The following PCDHGB5 variants were observed in gnomAD, a reference collection of about 807,000 sequenced individuals.
The protein encoded by PCDHGB5 is protocadherin gamma-B5.
PCDHGB5 carries 48 observed loss-of-function variants against 62.9 expected under a neutral mutation model. The observed-to-expected ratio is 0.76, with a 90% CI of 0.61 to 0.97. The LOEUF is 0.97. PCDHGB5 is among the 50% of genes least tolerant of loss of function. PCDHGB5 has a pLI of 0.00. For synonymous variants in PCDHGB5, 474 were observed against 511.2 expected, an observed-to-expected ratio of 0.93 and a Z score of 0.98; for missense variants, 1,118 against 1,198.6, an observed-to-expected ratio of 0.93 and a Z score of 0.99.
At chr5:141,439,077 C>T (rs978045948) in intron 1 of PCDHGB5, among the ~76,000 whole-genome samples, 1 of 151,492 alleles carries the variant, frequency 6.6e-6, no homozygotes, top group Non-Finnish European at 1.5e-5. Flanking sequence ...CCTGTAATCC[C>T]AGCTACTCAG....
intron 1 of PCDHGB5, among the ~76,000 whole-genome samples, chr5:141,472,992 A>G (rs2099309983): frequency 6.6e-6 from 1 of 151,994 alleles, no homozygotes; most frequent in South Asian, 2.1e-4. Context: ...AAAAAAAAAA[A>G]AAAAAGAAAG....
At position 141,447,890 on chromosome 5, in the gene PCDHGB5, A is replaced by AC. The variant is rs1252174829; in HGVS notation, c.2398-46917_2398-46916insC. On this transcript the variant is annotated intron_variant, in intron 1 of 3. Transcript: ENST00000617380. ...CATCTGAGGTCAGGAGTTCGAGACCAGCCTGGCCAACATGGTGAAACTCTG... is the reference window on the plus strand; with the variant it reads ...CATCTGAGGTCAGGAGTTCGAGACCACGCCTGGCCAACATGGTGAAACTCTG... 1.3e-5 allele frequency among the ~76,000 whole-genome samples: 2 copies of AC among 152,146 alleles called. 1 individual carries two copies. The highest frequency in any genetic ancestry group is 4.8e-5 in the African/African-American group (2 of 41,434).
intron 1 of PCDHGB5, chr5:141,427,552 C>T (rs1233231671): frequency 1.5e-6 from 1 of 645,244 alleles, no homozygotes; most frequent in South Asian, 1.5e-5. Context: ...ATCACTGCCA[C>T]TGACAAGGGC....
Position 141,398,949 on chromosome 5 carries a change from C to T in PCDHGB5, c.822C>T (p.Asn274=), listed in dbSNP as rs749860900. The change falls in exon 1 of 4, where the codon AAC becomes AAT. Residue 274 remains asparagine (N), a synonymous_variant. Transcript: ENST00000617380. Reference sequence around the variant, plus strand: ...CCACTGACCAAGACGAGGGCATCAACTCAGAAATTACTTATTCCTTCTACA... The same window carrying T: ...CCACTGACCAAGACGAGGGCATCAATTCAGAAATTACTTATTCCTTCTACA... ...VSATDQDEGI[N]SEITYSFYRT... The T allele has an allele frequency of 6.2e-7, 1 of 1,613,948 alleles. No individual in the cohort carries two copies. The highest frequency in any genetic ancestry group is 8.5e-7 in the Non-Finnish European group (1 of 1,179,900).
chr5:141,398,485 A>G lies in PCDHGB5; in HGVS notation c.358A>G (p.Asn120Asp). The G allele has an allele frequency of 6.2e-7, 1 of 1,608,602 alleles. No individual in the cohort carries two copies. Among genetic ancestry groups the G allele is most frequent in the Non-Finnish European group, 8.5e-7 (1 of 1,175,846 alleles). ...AENPLNFYHV[N>D]VEIEDINDHT... ...AAATCCACTGAACTTTTATCACGTG[A>G]ATGTGGAGATCGAGGACATTAATGA... is the stretch of plus-strand genomic sequence containing the variant. Residue 120 changes from asparagine to aspartate, a missense_variant, in exon 1 of 4, where the codon AAT (asparagine) becomes GAT (aspartate). Asn to Asp is a conservative substitution (Grantham distance 23). Around this residue, in one of 2 missense-constraint regions of PCDHGB5, gnomAD observed 84 missense variants for 169.5 expected, o/e 0.50. Coordinates refer to ENST00000617380, the MANE Select transcript of PCDHGB5 (RefSeq NM_018925.3).
chr5:141,431,748 G>T lies in PCDHGB5; in HGVS notation c.2397+31224G>T. 1 of 1,614,196 alleles carries T rather than the reference G, an allele frequency of 6.2e-7. No homozygotes were observed. Among genetic ancestry groups the T allele is most frequent in the Non-Finnish European group, 8.5e-7 (1 of 1,180,042 alleles). Reference sequence around the variant, plus strand: ...ATGGATAATGCAGGATATTCTGCGCGAGCCAAAGTCCTGATCACTGTTCTG... The same window carrying T: ...ATGGATAATGCAGGATATTCTGCGCTAGCCAAAGTCCTGATCACTGTTCTG... On this transcript the variant is annotated intron_variant, in intron 1 of 3. Transcript: ENST00000617380. This position sits in a 1 kb window ranked among gnomAD's most constrained non-coding sequence, Gnocchi z 4.8.
At position 141,476,128 on chromosome 5, in the gene PCDHGB5, G is replaced by A. The variant is rs1450094771; in HGVS notation, c.2398-18679G>A. 1 of 1,606,456 alleles carries A rather than the reference G, an allele frequency of 6.2e-7. No homozygotes were observed. Among genetic ancestry groups the A allele is most frequent in the African/African-American group, 1.3e-5 (1 of 74,874 alleles). On this transcript the variant is annotated intron_variant, in intron 1 of 3. Transcript: ENST00000617380. The surrounding 1 kb of genome is among the most constrained non-coding windows in gnomAD (Gnocchi z 7.6). ...TGCTTTTGAGTGAGATGGTCCCAGA[G>A]GCCTGGAGGAGCGGACTGGTAAGCA...
In PCDHGB5 at chr5:141,490,296, G is replaced by T; in HGVS notation, c.2398-4511G>T. The stretch of plus-strand genomic sequence containing the variant: ...ATGACAATGCCCCAGAGGTGCTATT[G>T]GCCTCTTTGGCCAACCCTGTCCTAG... On this transcript the variant is annotated intron_variant, in intron 1 of 3. Coordinates refer to ENST00000617380, the MANE Select transcript of PCDHGB5 (RefSeq NM_018925.3). This position sits in a 1 kb window ranked among gnomAD's most constrained non-coding sequence, Gnocchi z 5.4. 6.2e-7 allele frequency: 1 copy of T among 1,614,184 alleles called. No homozygotes were observed. Among genetic ancestry groups the T allele is most frequent in the South Asian group, 1.1e-5 (1 of 91,084 alleles).
At chr5:141,445,538 G>A (rs1188324168) in intron 1 of PCDHGB5, among the ~76,000 whole-genome samples, 1 of 152,168 alleles carries the variant, frequency 6.6e-6, no homozygotes, top group African/African-American at 2.4e-5. Flanking sequence ...AGCCAACAAG[G>A]AGAAATACAA....
chr5:141,403,044 T>C lies in PCDHGB5; in HGVS notation c.2397+2520T>C, dbSNP rs914251787. 7 of 1,613,960 alleles carry C rather than the reference T, an allele frequency of 4.3e-6. No individual in the cohort carries two copies. The Admixed American group carries it at 8.3e-5, about 19-fold the overall frequency. ...CTATGGGAGGCCAGGGCCAGTCAGA[T>C]TCGCTACTCAGTGCCTGAAGAGACA... is the stretch of plus-strand genomic sequence containing the variant. On this transcript the variant is annotated intron_variant, in intron 1 of 3. Transcript: ENST00000617380.
At position 141,463,610 on chromosome 5, in the gene PCDHGB5, G is replaced by T. The variant is rs189991450; in HGVS notation, c.2398-31197G>T. Among the ~76,000 whole-genome samples, 263 of 151,786 alleles carry T rather than the reference G, an allele frequency of 1.7e-3. 1 individual carries two copies. The highest frequency in any genetic ancestry group is 3.4e-3 in the Middle Eastern group (1 of 292). ...ACTACAGGTGCCTGCCACCATGCCC[G>T]GCTAATTTTTTGTATTTTGTTTAGT... On this transcript the variant is annotated intron_variant, in intron 1 of 3. Transcript: ENST00000617380.
intron 1 of PCDHGB5, chr5:141,408,616 A>C (rs1242634693): frequency 6.2e-7 from 1 of 1,614,052 alleles, no homozygotes. Flanking sequence ...AAAAGGAAAT[A>C]CATTTAGAAA....
At chr5:141,475,600 T>A (rs1023916159) in intron 1 of PCDHGB5, among the ~76,000 whole-genome samples, 2 of 152,192 alleles carry the variant, frequency 1.3e-5, no homozygotes, top group Admixed American at 1.3e-4. Context: ...TTCCAGACAA[T>A]GTTGTGTAGT....
rs201386958 is a variant in PCDHGB5 at position 141,413,172 on chromosome 5, T to G, written c.2397+12648T>G. 2.6e-4 allele frequency: 413 copies of G among 1,598,292 alleles called. 3 individuals carry two copies. In the East Asian group the frequency reaches 7.0e-3, roughly 27 times the overall value. ...ACTTTGCAGAATTCTGTAACCAGACTACAATGGCCGCTCAAAGGAATCGCT... is the reference window on the plus strand; with the variant it reads ...ACTTTGCAGAATTCTGTAACCAGACGACAATGGCCGCTCAAAGGAATCGCT... On this transcript the variant is annotated intron_variant, in intron 1 of 3. Coordinates refer to ENST00000617380, the MANE Select transcript of PCDHGB5 (RefSeq NM_018925.3).
In PCDHGB5 at chr5:141,485,111, G is replaced by C. The variant is rs2099607127; in HGVS notation, c.2398-9696G>C. On this transcript the variant is annotated intron_variant, in intron 1 of 3. Coordinates refer to ENST00000617380, the MANE Select transcript of PCDHGB5 (RefSeq NM_018925.3). The surrounding 1 kb of genome is among the most constrained non-coding windows in gnomAD (Gnocchi z 5.7). The stretch of plus-strand genomic sequence containing the variant: ...ATAGGTGTCTCCAGCTGCTGTGGCT[G>C]TTTGGGGCGGGTCGGCTTCATCCGC... 5.4e-6 allele frequency: 7 copies of C among 1,287,562 alleles called. No individual in the cohort carries two copies. The highest frequency in any genetic ancestry group is 7.8e-6 in the Non-Finnish European group (7 of 899,436). 79.8% of individuals were successfully genotyped at this position (1,287,562 alleles called of 1,614,324 possible). A position where few individuals can be genotyped will look rare whatever the true frequency, so the allele number is the denominator to read the frequency against.
intron 1 of PCDHGB5, chr5:141,426,796 T>C (rs1053668481): frequency 8.8e-6 from 4 of 456,720 alleles, no homozygotes. Context: ...AGTTACCAGC[T>C]CAGTTCTAAT....
At chr5:141,404,399 G>T (rs1269569845) in intron 1 of PCDHGB5, 2 of 1,613,778 alleles carry the variant, frequency 1.2e-6, no homozygotes, top group African/African-American at 1.3e-5. Context: ...TGATAGCAAT[G>T]AGAATTCTAG....
rs375619778 is a variant in PCDHGB5 at position 141,399,361 on chromosome 5, C to A, written c.1234C>A (p.Pro412Thr). The A allele has an allele frequency of 6.2e-7, 1 of 1,613,960 alleles. No homozygotes were observed. The stretch of plus-strand genomic sequence containing the variant: ...TGGAACCCTAGACCGAGAGCAAACC[C>A]CGGAGTACAATGTCACCATCACAGC... Reference protein sequence around the residue: ...TDGTLDREQTPEYNVTITATD... With the variant: ...TDGTLDREQTTEYNVTITATD... Residue 412 changes from proline (P) to threonine (T), a missense_variant, in exon 1 of 4, where the codon CCG becomes ACG. Transcript: ENST00000617380.
At chr5:141,455,058 C>G (rs1350223657) in intron 1 of PCDHGB5, among the ~76,000 whole-genome samples, 9 of 151,814 alleles carry the variant, frequency 5.9e-5, no homozygotes, top group Admixed American at 5.9e-4. Context: ...GTGATCCGCC[C>G]GCCTCGGCCT....
Sources: allele counts gnomAD v4.1 joint callset (sites outside exome capture counted in the v4.1 genomes callset), GRCh38; gene constraint gnomAD v4.1.1; regional missense constraint gnomAD v4.1.1; non-coding constraint Gnocchi (gnomAD v3.1); transcripts MANE v1.5; gene names NCBI Gene and HGNC (gene_info 2026-07-23, HGNC 2026-07-21).